The following LRRC7 variants were observed in gnomAD, a reference collection of about 807,000 sequenced individuals.
The protein encoded by LRRC7 is leucine-rich repeat-containing protein 7.
A neutral mutation model predicts 175.7 loss-of-function variants in LRRC7; 23 were observed. The observed-to-expected ratio is 0.13, with a 90% CI of 0.09 to 0.19. The LOEUF (loss-of-function observed/expected upper bound fraction) is 0.19. Among genes scored for constraint, LRRC7 ranks in the 10% least tolerant of loss-of-function variants. The pLI is 1.00. For missense variants in LRRC7, 1,354 were observed against 1,904.7 expected, an observed-to-expected ratio of 0.71 and a Z score of 5.38; for synonymous variants, 685 against 680.9, an observed-to-expected ratio of 1.01 and a Z score of -0.09.
chr1:69,764,374 G>A (rs971013136), intron 3 of LRRC7, among the ~76,000 whole-genome samples: 5 of 151,704 alleles, frequency 3.3e-5, no homozygotes, highest in Non-Finnish European at 7.4e-5. Flanking sequence ...CTTTAAAAAA[G>A]AGATTATAAT....
chr1:70,019,925 G>A (rs1657308413), intron 15 of LRRC7, among the ~76,000 whole-genome samples: 1 of 151,916 alleles, frequency 6.6e-6, no homozygotes, highest in African/African-American at 2.4e-5. Flanking sequence ...AAAGAATATA[G>A]GGAAAAAGTG....
At chr1:69,885,843 C>T (rs1687131086) in intron 7 of LRRC7, among the ~76,000 whole-genome samples, 2 of 137,958 alleles carry the variant, frequency 1.4e-5, no homozygotes, top group Non-Finnish European at 1.6e-5. Context: ...TTTCAAAGAA[C>T]ATCTTTATTT....
intron 7 of LRRC7, among the ~76,000 whole-genome samples, chr1:69,893,754 A>T (rs1645901846): frequency 6.6e-6 from 1 of 152,230 alleles, no homozygotes; most frequent in Non-Finnish European, 1.5e-5. Context: ...ATCAAGGCAT[A>T]TGCTATTTTA....
chr1:70,100,716 CCTT>C (rs1328827746), intron 25 of LRRC7, among the ~76,000 whole-genome samples: 10 of 151,970 alleles, frequency 6.6e-5, no homozygotes, highest in Admixed American at 1.3e-4. Flanking sequence ...AAGCAATTCT[CCTT>C]CTGTTCATCT....
chr1:70,092,934 C>G (rs752059164), intron 25 of LRRC7, among the ~76,000 whole-genome samples: 2 of 152,224 alleles, frequency 1.3e-5, no homozygotes, highest in Non-Finnish European at 2.9e-5. Flanking sequence ...CAAATATTGG[C>G]TCCTCCAGTT....
intron 25 of LRRC7, among the ~76,000 whole-genome samples, chr1:70,091,407 C>T (rs1664021960): frequency 6.6e-6 from 1 of 152,034 alleles, no homozygotes; most frequent in Non-Finnish European, 1.5e-5. Context: ...TAAATTCTTT[C>T]AATGAAAAGT....
intron 1 of LRRC7, among the ~76,000 whole-genome samples, chr1:69,655,258 T>C (rs1452537601): frequency 3.4e-5 from 5 of 148,908 alleles, no homozygotes; most frequent in African/African-American, 1.3e-4. Context: ...CCCAAAACTG[T>C]CCCAAACCAA....
intron 7 of LRRC7, among the ~76,000 whole-genome samples, chr1:69,849,760 A>G (rs956669503): frequency 6.6e-6 from 1 of 151,988 alleles, no homozygotes; most frequent in African/African-American, 2.4e-5. Flanking sequence ...TAATTCCCTA[A>G]ATATGACTCC....
chr1:69,983,406 A>G (rs1410252), intron 9 of LRRC7, among the ~76,000 whole-genome samples: 6,516 of 152,216 alleles, frequency 0.043, 166 homozygotes, highest in South Asian at 0.1. Context: ...CCCCATATTA[A>G]TGGGATAACT....
In LRRC7 at chr1:70,142,531, T is replaced by A. The variant is rs1383622263; in HGVS notation, c.*20644T>A. On this transcript the variant is annotated 3_prime_UTR_variant, in exon 27 of 27. Transcript: ENST00000651989. Reference sequence around the variant, plus strand: ...GTACTCAGTAGGGACTAAAGGAAGCTTAAGGATAATGACATTGTCTTCATA... The same window carrying A: ...GTACTCAGTAGGGACTAAAGGAAGCATAAGGATAATGACATTGTCTTCATA... 1 of 152,118 alleles carries A rather than the reference T, an allele frequency of 6.6e-6. No individual in the cohort carries two copies. Among genetic ancestry groups the A allele is most frequent in the African/African-American group, 2.4e-5 (1 of 41,438 alleles). 9.4% of individuals were successfully genotyped at this position (152,118 alleles called of 1,614,324 possible).
At chr1:69,801,452 A>G (rs1392432568) in intron 4 of LRRC7, among the ~76,000 whole-genome samples, 1 of 151,666 alleles carries the variant, frequency 6.6e-6, no homozygotes, top group African/African-American at 2.4e-5. Context: ...CGGAGGTTGT[A>G]TGTTTCTAGG....
At chr1:69,889,732 G>A (rs1470786610) in intron 7 of LRRC7, among the ~76,000 whole-genome samples, 2 of 147,310 alleles carry the variant, frequency 1.4e-5, no homozygotes, top group Non-Finnish European at 2.9e-5. Flanking sequence ...ACTTGAGCCT[G>A]GCTGGTTAAG....
rs566591747 is a variant in LRRC7, at chr1:69,602,301, T to G, written c.2+33660T>G. Among the ~76,000 whole-genome samples the G allele has an allele frequency of 1.1e-4, 16 of 152,272 alleles. No homozygotes were observed. In the South Asian group the frequency reaches 2.9e-3, roughly 28 times the overall value. ...GACGGTATTAATGACAAAAGTAACA[T>G]TCCTAAACAGCAGTGCATGGTTGAC... On this transcript the variant is annotated intron_variant, in intron 1 of 26. Transcript: ENST00000651989.
intron 1 of LRRC7, among the ~76,000 whole-genome samples, chr1:69,594,677 C>G (rs1302446167): frequency 1.3e-5 from 2 of 152,130 alleles, no homozygotes; most frequent in Non-Finnish European, 2.9e-5. Context: ...TATACTAGTC[C>G]AGATCCTCAT....
chr1:69,895,140 G>T (rs1645943404), intron 7 of LRRC7, among the ~76,000 whole-genome samples: 1 of 152,184 alleles, frequency 6.6e-6, no homozygotes, highest in African/African-American at 2.4e-5. Context: ...GCTGAGGCAG[G>T]TGAATCGCTT....
intron 1 of LRRC7, among the ~76,000 whole-genome samples, chr1:69,611,073 A>T (rs1773330): frequency 0.13 from 19,475 of 151,952 alleles, 1,590 homozygotes; most frequent in South Asian, 0.19. Flanking sequence ...TCATTCTCAA[A>T]ACACTTTTGT....
chr1:69,767,480 A>G (rs1039759304), intron 3 of LRRC7, among the ~76,000 whole-genome samples: 2 of 152,074 alleles, frequency 1.3e-5, no homozygotes, highest in African/African-American at 2.4e-5. Context: ...TTAAAAGACA[A>G]GAGTCTCACT....
intron 7 of LRRC7, among the ~76,000 whole-genome samples, chr1:69,864,999 C>G (rs945658741): frequency 6.6e-6 from 1 of 152,026 alleles, no homozygotes; most frequent in Admixed American, 6.6e-5. Context: ...CATCTGTTTG[C>G]CATGAGAAAG....
chr1:69,638,247 T>C (rs551674735), intron 1 of LRRC7, among the ~76,000 whole-genome samples: 2 of 152,000 alleles, frequency 1.3e-5, no homozygotes, highest in South Asian at 4.1e-4. Context: ...ATATTCATTT[T>C]AGTACTAAAT....
Sources: allele counts gnomAD v4.1 joint callset (sites outside exome capture counted in the v4.1 genomes callset), GRCh38; gene constraint gnomAD v4.1.1; transcripts MANE v1.5; gene names NCBI Gene and HGNC (gene_info 2026-07-23, HGNC 2026-07-21).